IGSF10: variants seen among roughly 807,000 people sequenced by gnomAD.
IGSF10 encodes calvaria mechanical force protein 608.
Under a neutral mutation model 128.2 loss-of-function variants are expected in IGSF10, and 126 were observed. That is an observed-to-expected ratio of 0.98 (90% CI 0.85 to 1.14). The LOEUF is 1.14. Ranked by LOEUF, IGSF10 falls within the 50% of genes most tolerant of loss-of-function variation. The pLI, the probability that IGSF10 is intolerant of heterozygous loss-of-function variation, is 0.00. For synonymous variants in IGSF10, 1,185 were observed against 1,146.2 expected, an observed-to-expected ratio of 1.03 and a Z score of -0.68; for missense variants, 3,295 against 3,149.8, an observed-to-expected ratio of 1.05 and a Z score of -1.10.
the IGSF10 span, among the ~76,000 whole-genome samples, chr3:151,530,933 TC>T: frequency 6.6e-6 from 1 of 151,386 alleles, no homozygotes; most frequent in Non-Finnish European, 1.5e-5. Context: ...CATGCTGTAT[TC>T]AGGAAACCCA....
At chr3:151,532,818 G>C in the IGSF10 span, among the ~76,000 whole-genome samples, 1 of 152,234 alleles carries the variant, frequency 6.6e-6, no homozygotes, top group East Asian at 1.9e-4. Context: ...TGAAAGTTCT[G>C]GTCAGGGCAA....
chr3:151,591,493 TTTAACTAGTACTTATTACTA>T, the IGSF10 span, among the ~76,000 whole-genome samples: 1 of 148,304 alleles, frequency 6.7e-6, no homozygotes, highest in East Asian at 2.0e-4. Flanking sequence ...CTTAACTATC[TTTAACTAGTACTTATTACTA>T]GTTGCAAGGC....
the IGSF10 span, among the ~76,000 whole-genome samples, chr3:151,592,816 T>C: frequency 6.6e-6 from 1 of 152,330 alleles, no homozygotes; most frequent in South Asian, 2.1e-4. Flanking sequence ...TTGACTAGTC[T>C]ACATACTGTG....
the IGSF10 span, among the ~76,000 whole-genome samples, chr3:151,617,318 TCCC>T: frequency 7.5e-4 from 59 of 79,004 alleles, 1 homozygote; most frequent in African/African-American, 2.7e-3. Flanking sequence ...TTCTTCTTCT[TCCC>T]CTCCTCCTCC....
Position 151,437,011 on chromosome 3 carries a change from A to C in IGSF10, c.7550T>G (p.Ile2517Ser), listed in dbSNP as rs1720339881. 6.2e-7 allele frequency: 1 copy of C among 1,614,218 alleles called. No homozygotes were observed. The highest frequency in any genetic ancestry group is 8.5e-7 in the Non-Finnish European group (1 of 1,180,024). Residue 2517 changes from isoleucine (I) to serine (S), a missense_variant, in exon 8 of 8, where the codon ATT becomes AGT. Physicochemically the swap from Ile to Ser is moderately radical, Grantham distance 142. Coordinates refer to ENST00000282466, the MANE Select transcript of IGSF10 (RefSeq NM_178822.5). ...KAQNSVGHTL[I>S]TVPVMIVAYP... ...GGCTACAATCATTACTGGAACAGTA[A>C]TCAGTGTATGACCAACACTATTTTG... is the stretch of plus-strand genomic sequence containing the variant.
the IGSF10 span, among the ~76,000 whole-genome samples, chr3:151,586,975 T>C: frequency 2.6e-5 from 4 of 152,180 alleles, no homozygotes; most frequent in Non-Finnish European, 5.9e-5. Flanking sequence ...GTTCAGTGTA[T>C]ACTGAGGCAT....
the IGSF10 span, among the ~76,000 whole-genome samples, chr3:151,596,627 C>T: frequency 8.4e-4 from 128 of 152,188 alleles, no homozygotes; most frequent in African/African-American, 3.0e-3. Context: ...ATTCCCAATC[C>T]CTAAGGTATC....
the IGSF10 span, among the ~76,000 whole-genome samples, chr3:151,561,339 C>G: frequency 6.6e-6 from 1 of 152,140 alleles, no homozygotes; most frequent in African/African-American, 2.4e-5. Flanking sequence ...TAAATGAGAA[C>G]TTAGTCTACT....
chr3:151,592,314 T>C, the IGSF10 span, among the ~76,000 whole-genome samples: 1 of 152,002 alleles, frequency 6.6e-6, no homozygotes, highest in Non-Finnish European at 1.5e-5. Flanking sequence ...ACCTTACTTA[T>C]AAGCTAAATA....
At chr3:151,562,606 G>A in the IGSF10 span, among the ~76,000 whole-genome samples, 1 of 151,990 alleles carries the variant, frequency 6.6e-6, no homozygotes, top group African/African-American at 2.4e-5. Context: ...TCATTTTAAG[G>A]AAGTACCTTC....
rs140221752 is a variant in IGSF10 at position 151,448,141 on chromosome 3, C to T, written c.1840G>A (p.Val614Met). The change falls in exon 6 of 8, where the codon GTG becomes ATG. Residue 614 changes from valine (V) to methionine (M), a missense_variant. By Grantham distance (21) the Val-to-Met change is conservative (BLOSUM62 1). Transcript: ENST00000282466. ...SISWVIPGNN[V>M]LYQSSRDKKV... ...TTGTCTCTTGATGACTGATAGAGCA[C>T]ATTGTTTCCTGGAATAACCCAGCTA... is the stretch of plus-strand genomic sequence containing the variant. The T allele has an allele frequency of 5.6e-6, 9 of 1,613,998 alleles. No individual in the cohort carries two copies. The African/African-American group carries it at 1.1e-4, about 19-fold the overall frequency.
chr3:151,526,656 T>A, the IGSF10 span, among the ~76,000 whole-genome samples: 13 of 152,206 alleles, frequency 8.5e-5, no homozygotes, highest in African/African-American at 2.4e-4. Context: ...ATTAAAAAAA[T>A]TTAAATTTCT....
chr3:151,581,756 C>T, the IGSF10 span, among the ~76,000 whole-genome samples: 362 of 152,298 alleles, frequency 2.4e-3, 1 homozygote, highest in African/African-American at 7.9e-3. Flanking sequence ...AGTTATTCAA[C>T]GGTGACTGCA....
At chr3:151,572,805 T>C in the IGSF10 span, among the ~76,000 whole-genome samples, 3 of 152,232 alleles carry the variant, frequency 2.0e-5, no homozygotes, top group African/African-American at 7.2e-5. Context: ...CTTTTAATTA[T>C]GATGTTAGGG....
At chr3:151,604,020 T>C in the IGSF10 span, among the ~76,000 whole-genome samples, 2 of 152,226 alleles carry the variant, frequency 1.3e-5, no homozygotes, top group Admixed American at 6.5e-5. Context: ...TGGCACATGA[T>C]AGGCATTCAA....
chr3:151,477,192 T>A, the IGSF10 span, among the ~76,000 whole-genome samples: 2 of 152,330 alleles, frequency 1.3e-5, no homozygotes, highest in Middle Eastern at 3.4e-3. Flanking sequence ...TCCCTTTTTT[T>A]TAATCTCAGC....
the IGSF10 span, among the ~76,000 whole-genome samples, chr3:151,516,490 C>T: frequency 6.6e-6 from 1 of 152,192 alleles, no homozygotes; most frequent in African/African-American, 2.4e-5. Context: ...TATGCCTTGA[C>T]AGATGGAAGA....
At chr3:151,510,519 C>T in the IGSF10 span, among the ~76,000 whole-genome samples, 1 of 152,152 alleles carries the variant, frequency 6.6e-6, no homozygotes, top group Admixed American at 6.5e-5. Context: ...GGGGAAAAAA[C>T]AGAGCAGAAA....
the IGSF10 span, among the ~76,000 whole-genome samples, chr3:151,514,634 A>C: frequency 6.6e-6 from 1 of 152,188 alleles, no homozygotes; most frequent in African/African-American, 2.4e-5. Flanking sequence ...AATCAAACTA[A>C]AGAGCTTCTG....
Sources: allele counts gnomAD v4.1 joint callset (sites outside exome capture counted in the v4.1 genomes callset), GRCh38; gene constraint gnomAD v4.1.1; transcripts MANE v1.5; gene names NCBI Gene and HGNC (gene_info 2026-07-23, HGNC 2026-07-21).